The following RYR3 variants were observed in gnomAD, a reference collection of about 807,000 sequenced individuals.
RYR3 encodes ryanodine receptor 3, also known as brain ryanodine receptor-calcium release channel.
RYR3 carries 207 observed loss-of-function variants against 584.3 expected under a neutral mutation model. The ratio of observed to expected loss-of-function variants is 0.35; its 90% CI spans 0.32 to 0.40. RYR3 has a LOEUF of 0.40. Among genes scored for constraint, RYR3 ranks in the 10% least tolerant of loss-of-function variants. The pLI is 1.00. For missense variants in RYR3, 5,616 were observed against 6,089.2 expected, an observed-to-expected ratio of 0.92 and a Z score of 2.59; for synonymous variants, 2,416 against 2,248.5, an observed-to-expected ratio of 1.07 and a Z score of -2.11.
At chr15:33,543,037 T>C (rs1019489238) in intron 7 of RYR3, among the ~76,000 whole-genome samples, 10 of 152,176 alleles carry the variant, frequency 6.6e-5, no homozygotes, top group Non-Finnish European at 1.5e-5. Flanking sequence ...TGAAAGCGTC[T>C]ACACTTGTTC....
At chr15:33,688,498 G>A (rs567457391) in intron 38 of RYR3, among the ~76,000 whole-genome samples, 40 of 151,694 alleles carry the variant, frequency 2.6e-4, no homozygotes, top group Middle Eastern at 3.4e-3. Context: ...GCGTGGACCC[G>A]GGAGGTGGAG....
At position 33,662,892 on chromosome 15, in the gene RYR3, G is replaced by C. The variant is rs2063250054; in HGVS notation, c.5362G>C (p.Glu1788Gln). The change falls in exon 35 of 104, where the codon GAG becomes CAG. Residue 1788 changes from glutamate to glutamine, a missense_variant. This residue lies in a region of RYR3 where 753 missense variants were observed against 741.0 expected (regional missense o/e 1.02). Transcript: ENST00000634891. ...GGAGGCTGGGGAGAAGGCCGGCAAG[G>C]AGGCTCCTGTCAAAGGCTTGTTGCA... ...AVEAGEKAGK[E>Q]APVKGLLQTR... 1 of 1,613,548 alleles carries C rather than the reference G, an allele frequency of 6.2e-7. No homozygotes were observed.
At chr15:33,590,415 G>A (rs528022822) in intron 16 of RYR3, among the ~76,000 whole-genome samples, 3 of 152,170 alleles carry the variant, frequency 2.0e-5, no homozygotes, top group Admixed American at 6.5e-5. Context: ...ATGAATTTTA[G>A]GATTGTTTTT....
At chr15:33,607,676 T>C (rs1193056565) in intron 18 of RYR3, among the ~76,000 whole-genome samples, 1 of 152,220 alleles carries the variant, frequency 6.6e-6, no homozygotes, top group East Asian at 1.9e-4. Flanking sequence ...TTAAATCACT[T>C]TTTGGATTCA....
At chr15:33,669,002 A>C (rs2063656732) in intron 36 of RYR3, among the ~76,000 whole-genome samples, 1 of 152,198 alleles carries the variant, frequency 6.6e-6, no homozygotes. Context: ...ATTAAGTGGA[A>C]AACTCTGGTT....
intron 61 of RYR3, 43 bp from the exon 62 acceptor site, chr15:33,769,069 C>G: frequency 6.2e-6 from 9 of 1,453,164 alleles, no homozygotes; most frequent in Non-Finnish European, 8.7e-6. Context: ...GAAAGACAGG[C>G]TGAGTGGTTT....
chr15:33,400,940 G>T (rs1331665491), intron 1 of RYR3, among the ~76,000 whole-genome samples: 1 of 152,130 alleles, frequency 6.6e-6, no homozygotes, highest in East Asian at 1.9e-4. Context: ...CAGCATGGAC[G>T]GGTAAATTTG....
Position 33,739,861 on chromosome 15 carries a change from C to T in RYR3, c.7686C>T (p.Ala2562=), listed in dbSNP as rs1402043401. Residue 2562 remains alanine, a synonymous_variant, in exon 51 of 104, where the codon GCC becomes GCT. Coordinates refer to ENST00000634891, the MANE Select transcript of RYR3 (RefSeq NM_001036.6). ...KKYDPDLFRM[A]LPCLSAIAGA... ...ATGACCCAGATCTTTTCCGAATGGC[C>T]CTGCCTTGTCTCAGTGCTATAGCTG... is the stretch of plus-strand genomic sequence containing the variant. The T allele has an allele frequency of 5.6e-6, 9 of 1,613,544 alleles. No individual in the cohort carries two copies. Among genetic ancestry groups the T allele is most frequent in the Non-Finnish European group, 7.6e-6 (9 of 1,179,810 alleles).
chr15:33,540,665 G>A, intron 6 of RYR3, 126 bp from the exon 7 acceptor site: 1 of 634,796 alleles, frequency 1.6e-6, no homozygotes, highest in Non-Finnish European at 2.9e-6. Flanking sequence ...ATCTCCCACA[G>A]GCTGTATAGA....
chr15:33,696,118 A>G, intron 38 of RYR3, 100 bp from the exon 39 acceptor site: 1 of 1,184,772 alleles, frequency 8.4e-7, no homozygotes, highest in South Asian at 1.5e-5. Context: ...TTGTAACCTC[A>G]ACCAATGATG....
At chr15:33,737,750 G>A (rs976542212) in intron 49 of RYR3, among the ~76,000 whole-genome samples, 2 of 152,188 alleles carry the variant, frequency 1.3e-5, no homozygotes, top group African/African-American at 4.8e-5. Context: ...TTTGCTGCCA[G>A]CTGGATACTG....
intron 29 of RYR3, among the ~76,000 whole-genome samples, chr15:33,647,160 T>G (rs1159955098): frequency 6.6e-6 from 1 of 152,222 alleles, no homozygotes; most frequent in East Asian, 1.9e-4. Flanking sequence ...CTACTTATAT[T>G]ATTGCGGTCT....
intron 96 of RYR3, 113 bp from the exon 97 acceptor site, chr15:33,854,276 G>T (rs763437328): frequency 1.3e-6 from 1 of 756,400 alleles, no homozygotes. Flanking sequence ...ATAAAGCTGA[G>T]AGCCATATTT....
At chr15:33,524,015 A>C (rs1215033384) in intron 3 of RYR3, among the ~76,000 whole-genome samples, 1 of 152,176 alleles carries the variant, frequency 6.6e-6, no homozygotes, top group Non-Finnish European at 1.5e-5. Context: ...ATCCTGGCAA[A>C]GTAATCGTAC....
intron 38 of RYR3, among the ~76,000 whole-genome samples, chr15:33,678,706 T>G (rs746727111): frequency 6.6e-6 from 1 of 152,218 alleles, no homozygotes; most frequent in Admixed American, 6.5e-5. Context: ...TCCTGCTGTT[T>G]CCTGTGGAGC....
chr15:33,726,690 G>T (rs1233724728), intron 46 of RYR3, among the ~76,000 whole-genome samples, 184 bp downstream of exon 46: 4 of 152,192 alleles, frequency 2.6e-5, no homozygotes, highest in Non-Finnish European at 5.9e-5. Flanking sequence ...CTGCTCTCTT[G>T]TCTTCTCAAG....
chr15:33,503,476 C>T (rs2052185681), intron 2 of RYR3, among the ~76,000 whole-genome samples, 155 bp from the exon 3 acceptor site: 1 of 152,190 alleles, frequency 6.6e-6, no homozygotes, highest in Admixed American at 6.5e-5. Flanking sequence ...CAGCTTAAAA[C>T]CCATCTTGAA....
Position 33,815,084 on chromosome 15 carries a change from A to G in RYR3, c.10502+1505A>G, listed in dbSNP as rs1205366898. ...GACTCTGTCTCAAAAAAAAAAAAAAAAGGAATCACAGTCTCTGACACATAC... is the reference window on the plus strand; with the variant it reads ...GACTCTGTCTCAAAAAAAAAAAAAAGAGGAATCACAGTCTCTGACACATAC... On this transcript the variant is annotated intron_variant, in intron 74 of 103. Coordinates refer to ENST00000634891, the MANE Select transcript of RYR3 (RefSeq NM_001036.6). Among the ~76,000 whole-genome samples, 3 of 151,586 alleles carry G rather than the reference A, an allele frequency of 2.0e-5. 1 individual carries two copies. The highest frequency in any genetic ancestry group is 3.9e-4 in the East Asian group (2 of 5,160).
At chr15:33,498,073 C>T (rs2051600202) in intron 2 of RYR3, among the ~76,000 whole-genome samples, 1 of 152,206 alleles carries the variant, frequency 6.6e-6, no homozygotes, top group Non-Finnish European at 1.5e-5. Context: ...AATAATACTC[C>T]ATTATACATA....
Sources: allele counts gnomAD v4.1 joint callset (sites outside exome capture counted in the v4.1 genomes callset), GRCh38; gene constraint gnomAD v4.1.1; regional missense constraint gnomAD v4.1.1; transcripts MANE v1.5; gene names NCBI Gene and HGNC (gene_info 2026-07-23, HGNC 2026-07-21).